Variants in CERKL observed in about 807,000 individuals in gnomAD.
The protein encoded by CERKL is ceramide kinase-like protein.
Under a neutral mutation model 63.4 loss-of-function variants are expected in CERKL, and 61 were observed. The observed-to-expected ratio is 0.96, with a 90% confidence interval of 0.78 to 1.19. CERKL has a LOEUF of 1.19. Among genes scored for constraint, CERKL ranks in the 50% most tolerant of loss-of-function variants. The pLI is 0.00. For missense variants in CERKL, 675 were observed against 655.5 expected (o/e 1.03, Z -0.33); for synonymous variants, 250 against 230.5 (o/e 1.08, Z -0.77).
chr2:181,618,581 C>G (rs956293639), intron 1 of CERKL, among the ~76,000 whole-genome samples: 3 of 151,874 alleles, frequency 2.0e-5, no homozygotes, highest in Non-Finnish European at 4.4e-5. Flanking sequence ...CCACACCTGG[C>G]TAATTTTTGT....
At chr2:181,539,883 A>G (rs1040632758) in intron 11 of CERKL, among the ~76,000 whole-genome samples, 2 of 152,212 alleles carry the variant, frequency 1.3e-5, no homozygotes, top group Non-Finnish European at 2.9e-5. Flanking sequence ...GCCTAAGGAA[A>G]CTATACTGAA....
chr2:181,544,750 G>A lies in CERKL; in HGVS notation c.1315C>T (p.Arg439Trp), dbSNP rs139300604. The change falls in exon 11 of 13, where the codon CGG (arginine) becomes TGG (tryptophan). Residue 439 changes from arginine (R) to tryptophan (W), a missense_variant. Physicochemically the swap from Arg to Trp is moderately radical, Grantham distance 101. Coordinates refer to ENST00000410087, the MANE Select transcript of CERKL (RefSeq NM_201548.5). The stretch of plus-strand genomic sequence containing the variant: ...TTCAGGTGTTTTATAAATTCTGGCC[G>A]AGAAGTGTTTCGGGCAATTATAAGA... ...MALIIARNTS[R>W]PEFIKHLKRY... The A allele has an allele frequency of 2.9e-5, 46 of 1,608,752 alleles. No individual in the cohort carries two copies. The highest frequency in any genetic ancestry group is 8.9e-5 in the South Asian group (8 of 90,252).
intron 1 of CERKL, among the ~76,000 whole-genome samples, chr2:181,641,260 AAT>A (rs1266670620): frequency 6.7e-6 from 1 of 149,076 alleles, no homozygotes; most frequent in Non-Finnish European, 1.5e-5. Flanking sequence ...GTACACACAA[AAT>A]ATGTTAATAT....
chr2:181,587,884 A>G (rs1294778822), intron 2 of CERKL, among the ~76,000 whole-genome samples: 1 of 151,826 alleles, frequency 6.6e-6, no homozygotes, highest in African/African-American at 2.4e-5. Flanking sequence ...CAGGGCCTCC[A>G]AAAAAAATAA....
intron 1 of CERKL, among the ~76,000 whole-genome samples, chr2:181,646,126 G>C (rs1183927120): frequency 6.6e-6 from 1 of 152,198 alleles, no homozygotes; most frequent in Non-Finnish European, 1.5e-5. Context: ...TGATTGGTCG[G>C]ACAGAGAAGG....
intron 1 of CERKL, among the ~76,000 whole-genome samples, chr2:181,608,597 T>G (rs1334822234): frequency 6.6e-6 from 1 of 152,158 alleles, no homozygotes; most frequent in Non-Finnish European, 1.5e-5. Context: ...ATCTTGTAAA[T>G]TGCAAATTTA....
intron 1 of CERKL, among the ~76,000 whole-genome samples, chr2:181,640,037 A>G (rs1003788114): frequency 4.6e-5 from 7 of 152,184 alleles, no homozygotes; most frequent in Non-Finnish European, 7.3e-5. Context: ...TAGGCTTAAC[A>G]TAAGTTCATA....
chr2:181,592,141 T>C (rs1297141015), intron 2 of CERKL, among the ~76,000 whole-genome samples: 1 of 152,180 alleles, frequency 6.6e-6, no homozygotes, highest in East Asian at 1.9e-4. Flanking sequence ...ACCTTCTCCT[T>C]TATTTCAGTT....
chr2:181,609,310 G>T (rs1021159637), intron 1 of CERKL, among the ~76,000 whole-genome samples: 2 of 135,536 alleles, frequency 1.5e-5, no homozygotes, highest in Non-Finnish European at 1.5e-5. Flanking sequence ...AATCTCCGTG[G>T]TATTTTTTGA....
chr2:181,592,465 A>T (rs1389366686), intron 2 of CERKL, among the ~76,000 whole-genome samples: 2 of 152,180 alleles, frequency 1.3e-5, no homozygotes, highest in Admixed American at 6.6e-5. Flanking sequence ...AAAATATTTT[A>T]TTGGCACCTA....
At chr2:181,548,966 T>G (rs1215215985) in intron 6 of CERKL, 109 bp from the exon 7 acceptor site, 2 of 926,580 alleles carry the variant, frequency 2.2e-6, no homozygotes. Context: ...CTAAAGGTAC[T>G]GTAGACCATG....
chr2:181,656,939 G>A lies in CERKL; in HGVS notation c.68C>T (p.Pro23Leu). 1.3e-6 allele frequency: 2 copies of A among 1,588,344 alleles called. No homozygotes were observed. The highest frequency in any genetic ancestry group is 2.3e-5 in the East Asian group (1 of 44,048). ...LEGGREEEAP[P>L]EAAAVPPALL... ...CGCCGGAGGCACAGCGGCAGCCTCC[G>A]GGGGCGCCTCTTCCTCCCGGCCGCC... Residue 23 changes from proline (P) to leucine (L), a missense_variant, in exon 1 of 13, where the codon CCG (proline) becomes CTG (leucine). Physicochemically the swap from Pro to Leu is moderately conservative, Grantham distance 98. Coordinates refer to ENST00000410087, the MANE Select transcript of CERKL (RefSeq NM_201548.5).
rs1687377486 is a variant in CERKL at position 181,539,291 on chromosome 2, TAC to T, written c.1366-29_1366-28del. The T allele has an allele frequency of 8.3e-6, 12 of 1,451,588 alleles. No homozygotes were observed. The Admixed American group carries it at 1.8e-4, about 22-fold the overall frequency. 89.9% of individuals were successfully genotyped at this position (1,451,588 alleles called of 1,614,324 possible). A position where few individuals can be genotyped will look rare whatever the true frequency, so the allele number is the denominator to read the frequency against. On this transcript the variant is annotated intron_variant, in intron 11 of 12. Transcript: ENST00000410087. ...TAAAAATAAATACAAATAATCATTATACTTGGTTTATCTCTAGCTACTAACGC... is the reference window on the plus strand; with the variant it reads ...TAAAAATAAATACAAATAATCATTATTTGGTTTATCTCTAGCTACTAACGC...
intron 1 of CERKL, among the ~76,000 whole-genome samples, chr2:181,634,087 T>C (rs1687074841): frequency 6.6e-6 from 1 of 152,176 alleles, no homozygotes; most frequent in Non-Finnish European, 1.5e-5. Flanking sequence ...GAAAAAGGTA[T>C]TTTTAAAATA....
rs1477651634 is a variant in CERKL, at chr2:181,537,684, T to TATTGATGTATTATG, written c.*486_*499dup. 4.2e-5 allele frequency: 18 copies of TATTGATGTATTATG among 432,602 alleles called. No individual in the cohort carries two copies. In the Admixed American group the frequency reaches 4.7e-4, roughly 11 times the overall value. The allele number at this position is 432,602 out of a possible 1,614,324, so 26.8% of individuals were successfully genotyped here. A position where few individuals can be genotyped will look rare whatever the true frequency, so the allele number is the denominator to read the frequency against. ...TTATTTCAGAATTATCTAGGTTAAATATTGATGTATTATGATGGTTGCAAA... is the reference window on the plus strand; with the variant it reads ...TTATTTCAGAATTATCTAGGTTAAATATTGATGTATTATGATTGATGTATTATGATGGTTGCAAA... On this transcript the variant is annotated 3_prime_UTR_variant, in exon 13 of 13. Coordinates refer to ENST00000410087, the MANE Select transcript of CERKL (RefSeq NM_201548.5).
chr2:181,608,959 A>T (rs1307834564), intron 1 of CERKL, among the ~76,000 whole-genome samples: 3 of 152,208 alleles, frequency 2.0e-5, no homozygotes, highest in African/African-American at 7.2e-5. Context: ...CAATTAGCAT[A>T]TTATATCTAG....
At chr2:181,602,259 C>T (rs115721978) in intron 2 of CERKL, among the ~76,000 whole-genome samples, 14 of 152,240 alleles carry the variant, frequency 9.2e-5, no homozygotes, top group African/African-American at 2.2e-4. Flanking sequence ...AGACCTTAAG[C>T]GCAAGAATGA....
intron 1 of CERKL, among the ~76,000 whole-genome samples, chr2:181,604,718 G>A (rs1472229425): frequency 6.6e-6 from 1 of 152,166 alleles, no homozygotes; most frequent in African/African-American, 2.4e-5. Context: ...GTTGAAGGCA[G>A]CCTTAACGAA....
At chr2:181,631,773 A>T (rs945662869) in intron 1 of CERKL, among the ~76,000 whole-genome samples, 1 of 152,188 alleles carries the variant, frequency 6.6e-6, no homozygotes, top group African/African-American at 2.4e-5. Flanking sequence ...GCTCTCGAGT[A>T]TGGAAAGGGG....
Sources: allele counts gnomAD v4.1 joint callset (sites outside exome capture counted in the v4.1 genomes callset), GRCh38; gene constraint gnomAD v4.1.1; transcripts MANE v1.5; gene names NCBI Gene and HGNC (gene_info 2026-07-23, HGNC 2026-07-21).